Variants in ITPRID1 observed in about 807,000 individuals in gnomAD.
The protein encoded by ITPRID1 is protein ITPRID1.
ITPRID1 carries 96 observed loss-of-function variants against 95.4 expected under a neutral mutation model. The observed-to-expected ratio is 1.01, with a 90% CI of 0.85 to 1.19. The LOEUF is 1.19. Among genes scored for constraint, ITPRID1 ranks in the 50% most tolerant of loss-of-function variants. ITPRID1 has a pLI of 0.00. For missense variants in ITPRID1, 1,339 were observed against 1,252.9 expected (o/e 1.07, Z -1.04); for synonymous variants, 510 against 453.6 (o/e 1.12, Z -1.58).
chr7:31,586,765 G>A lies in ITPRID1; in HGVS notation c.1228+3574G>A, dbSNP rs1459529691. 5.3e-5 allele frequency among the ~76,000 whole-genome samples: 8 copies of A among 150,004 alleles called. No homozygotes were observed. In the East Asian group the frequency reaches 5.9e-4, roughly 11 times the overall value. On this transcript the variant is annotated intron_variant, in intron 10 of 14. Transcript: ENST00000615280. ...GCCCTTTGTCAGATGAGTAGGTTGCGAAAATTTTCTCCCATTTTGTAGGTT... is the reference window on the plus strand; with the variant it reads ...GCCCTTTGTCAGATGAGTAGGTTGCAAAAATTTTCTCCCATTTTGTAGGTT...
At chr7:31,640,019 G>A (rs776985796) in intron 10 of ITPRID1, among the ~76,000 whole-genome samples, 4 of 152,144 alleles carry the variant, frequency 2.6e-5, no homozygotes, top group Non-Finnish European at 5.9e-5. Context: ...ATAGGTGGTA[G>A]ATAGTACTAT....
At chr7:31,519,147 T>C (rs903728798) in intron 1 of ITPRID1, among the ~76,000 whole-genome samples, 1 of 152,194 alleles carries the variant, frequency 6.6e-6, no homozygotes, top group Non-Finnish European at 1.5e-5. Context: ...CGCCAGGTCC[T>C]ACACAACATG....
chr7:31,519,620 C>CTCTCTCTCTCTCTCTCTCTATATATA, intron 1 of ITPRID1, among the ~76,000 whole-genome samples: 2 of 25,270 alleles, frequency 7.9e-5, no homozygotes, highest in Non-Finnish European at 1.5e-4. Context: ...CTCTCTCTCT[C>CTCTCTCTCTCTCTCTCTCTATATATA]TATATATATA....
downstream of ITPRID1, among the ~76,000 whole-genome samples, chr7:31,656,683 A>T (rs559081666): frequency 3.0e-4 from 46 of 152,320 alleles, no homozygotes; most frequent in South Asian, 9.1e-3. Flanking sequence ...AACTGAGTTT[A>T]GATTGTAAAA....
chr7:31,647,081 C>A (rs955385723), intron 12 of ITPRID1, among the ~76,000 whole-genome samples: 2 of 152,194 alleles, frequency 1.3e-5, no homozygotes. Context: ...TACATATGCA[C>A]ACAGGCGCAT....
intron 10 of ITPRID1, among the ~76,000 whole-genome samples, chr7:31,588,321 T>C (rs1221862091): frequency 6.6e-6 from 1 of 152,044 alleles, no homozygotes; most frequent in Non-Finnish European, 1.5e-5. Context: ...GACACCATCC[T>C]AAAACTCTAA....
At position 31,643,787 on chromosome 7, in the gene ITPRID1, G is replaced by C; in HGVS notation, c.2417G>C (p.Cys806Ser). 2 of 1,613,960 alleles carry C rather than the reference G, an allele frequency of 1.2e-6. No homozygotes were observed. Among genetic ancestry groups the C allele is most frequent in the South Asian group, 1.1e-5 (1 of 91,088 alleles). ...GTCHAIPAHC[C>S]ICCHHHPHCH... ...TGCCATGCTATACCTGCCCACTGCT[G>C]CATCTGCTGTCATCACCACCCTCAC... Residue 806 changes from cysteine to serine, a missense_variant, in exon 12 of 15, where the codon TGC becomes TCC. Transcript: ENST00000615280.
At chr7:31,606,457 ACG>A (rs1491389573) in intron 10 of ITPRID1, among the ~76,000 whole-genome samples, 5 of 37,212 alleles carry the variant, frequency 1.3e-4, no homozygotes, top group Admixed American at 6.2e-4. Context: ...AGAAAAGAAA[ACG>A]AGAGAGAGAG....
intron 10 of ITPRID1, among the ~76,000 whole-genome samples, chr7:31,587,674 G>A (rs1224962689): frequency 5.3e-5 from 8 of 151,566 alleles, no homozygotes; most frequent in East Asian, 1.9e-4. Flanking sequence ...AAGAGCCCGC[G>A]TCACCAAGGC....
chr7:31,532,347 C>A (rs1373228958), intron 1 of ITPRID1, among the ~76,000 whole-genome samples: 1 of 151,932 alleles, frequency 6.6e-6, no homozygotes, highest in African/African-American at 2.4e-5. Context: ...AATTTTATTT[C>A]TTTTCTTGTT....
At chr7:31,620,487 C>T (rs1787754991) in intron 10 of ITPRID1, among the ~76,000 whole-genome samples, 1 of 151,340 alleles carries the variant, frequency 6.6e-6, no homozygotes, top group East Asian at 1.9e-4. Flanking sequence ...ACTGCTGATA[C>T]CCAGGCAAAC....
intron 5 of ITPRID1, among the ~76,000 whole-genome samples, chr7:31,555,994 C>T (rs1784433143): frequency 6.6e-6 from 1 of 152,102 alleles, no homozygotes; most frequent in Admixed American, 6.6e-5. Flanking sequence ...AATTCAGACT[C>T]AAGGAAAAGC....
At chr7:31,630,527 G>C (rs987884396) in intron 10 of ITPRID1, among the ~76,000 whole-genome samples, 1 of 152,130 alleles carries the variant, frequency 6.6e-6, no homozygotes, top group Non-Finnish European at 1.5e-5. Flanking sequence ...TAAAGATTCT[G>C]AGGCTGAATT....
chr7:31,520,055 C>T (rs764996369), intron 1 of ITPRID1, among the ~76,000 whole-genome samples: 18 of 151,740 alleles, frequency 1.2e-4, no homozygotes, highest in Admixed American at 9.2e-4. Flanking sequence ...GTTTCTCAAA[C>T]TTTTCTTGCT....
intron 5 of ITPRID1, among the ~76,000 whole-genome samples, chr7:31,558,572 A>G (rs1784528363): frequency 1.3e-5 from 2 of 152,222 alleles, no homozygotes; most frequent in Admixed American, 1.3e-4. Flanking sequence ...TAAGATGACT[A>G]GGTTCTAGAG....
intron 10 of ITPRID1, among the ~76,000 whole-genome samples, chr7:31,636,681 A>C (rs1008906201): frequency 5.3e-5 from 8 of 152,038 alleles, no homozygotes; most frequent in Middle Eastern, 3.4e-3. Context: ...AGGGAGAACT[A>C]ACAGGCTGTG....
At chr7:31,575,831 C>T (rs1441373001) in intron 8 of ITPRID1, among the ~76,000 whole-genome samples, 1 of 152,108 alleles carries the variant, frequency 6.6e-6, no homozygotes, top group African/African-American at 2.4e-5. Context: ...CATTTTAGCT[C>T]CCGTTTCTCC....
At chr7:31,608,686 T>C (rs1348547212) in intron 10 of ITPRID1, among the ~76,000 whole-genome samples, 2 of 151,808 alleles carry the variant, frequency 1.3e-5, no homozygotes, top group Non-Finnish European at 3.0e-5. Context: ...AGAAATAAAA[T>C]TATTTTTTGT....
chr7:31,530,473 G>T (rs994476051), intron 1 of ITPRID1, among the ~76,000 whole-genome samples: 2 of 152,114 alleles, frequency 1.3e-5, no homozygotes, highest in African/African-American at 4.8e-5. Context: ...TAGCGTATCT[G>T]GGGGGTATAA....
Sources: allele counts gnomAD v4.1 joint callset (sites outside exome capture counted in the v4.1 genomes callset), GRCh38; gene constraint gnomAD v4.1.1; transcripts MANE v1.5; gene names NCBI Gene and HGNC (gene_info 2026-07-23, HGNC 2026-07-21).